The following PCDH10 variants were observed in gnomAD, a reference collection of about 807,000 sequenced individuals.
PCDH10 encodes the protein protocadherin 10.
Under a neutral mutation model 74.4 loss-of-function variants are expected in PCDH10, and 15 were observed. The observed-to-expected ratio is 0.20, with a 90% CI of 0.13 to 0.31. The LOEUF (loss-of-function observed/expected upper bound fraction) is 0.31. Among genes scored for constraint, PCDH10 ranks in the 10% least tolerant of loss-of-function variants. The pLI, the probability that PCDH10 is intolerant of heterozygous loss-of-function variation, is 1.00. For missense variants in PCDH10, 1,260 were observed against 1,390.2 expected (o/e 0.91, Z 1.49); for synonymous variants, 619 against 589.8 (o/e 1.05, Z -0.72).
Position 133,151,043 on chromosome 4 carries a change from C to T in PCDH10, c.903C>T (p.Phe301=), listed in dbSNP as rs371314024. ...TTTCGCCCCGGGCGCGGGAGCTTTTCGGACTCTCGCCGCGCACTGGCAGAC... is the reference window on the plus strand; with the variant it reads ...TTTCGCCCCGGGCGCGGGAGCTTTTTGGACTCTCGCCGCGCACTGGCAGAC... ...SHISPRAREL[F]GLSPRTGRLE... Residue 301 remains phenylalanine, a synonymous_variant, in exon 1 of 5, where the codon TTC becomes TTT. Coordinates refer to ENST00000264360, the MANE Select transcript of PCDH10 (RefSeq NM_032961.3). 6 of 1,613,954 alleles carry T rather than the reference C, an allele frequency of 3.7e-6. No individual in the cohort carries two copies. The highest frequency in any genetic ancestry group is 1.3e-5 in the African/African-American group (1 of 75,072).
In PCDH10 at chr4:133,151,863, G is replaced by C. The variant is rs754282504; in HGVS notation, c.1723G>C (p.Val575Leu). Residue 575 changes from valine (V) to leucine (L), a missense_variant, in exon 1 of 5, where the codon GTG (valine) becomes CTG (leucine). Physicochemically the swap from Val to Leu is conservative, Grantham distance 32 (BLOSUM62 1). Around this residue, in one of 11 missense-constraint regions of PCDH10, gnomAD observed 587 missense variants for 616.9 expected, o/e 0.95. Coordinates refer to ENST00000264360, the MANE Select transcript of PCDH10 (RefSeq NM_032961.3). Reference protein sequence around the residue: ...VDQNDNAPAIVAPLPGRNGTP... With the variant: ...VDQNDNAPAILAPLPGRNGTP... ...TCAAAATGACAACGCCCCTGCCATCGTGGCGCCTCTACCAGGGCGCAACGG... is the reference window on the plus strand; with the variant it reads ...TCAAAATGACAACGCCCCTGCCATCCTGGCGCCTCTACCAGGGCGCAACGG... 6.2e-7 allele frequency: 1 copy of C among 1,612,962 alleles called. No homozygotes were observed. The highest frequency in any genetic ancestry group is 8.5e-7 in the Non-Finnish European group (1 of 1,180,042).
chr4:133,179,826 G>A (rs1414240299), intron 4 of PCDH10, among the ~76,000 whole-genome samples: 1 of 151,914 alleles, frequency 6.6e-6, no homozygotes, highest in African/African-American at 2.4e-5. Context: ...AATGCTTATA[G>A]ACTACATCAA....
At chr4:133,203,073 T>C (rs1184710290) in intron 2 of PCDH10, among the ~76,000 whole-genome samples, 1 of 152,116 alleles carries the variant, frequency 6.6e-6, no homozygotes, top group Non-Finnish European at 1.5e-5. Flanking sequence ...CAGCTTGGTA[T>C]GGAGGATCAG....
At chr4:133,200,138 G>A (rs773703750) in intron 2 of PCDH10, among the ~76,000 whole-genome samples, 37 of 151,894 alleles carry the variant, frequency 2.4e-4, no homozygotes, top group Non-Finnish European at 4.1e-4. Flanking sequence ...TATTCATGCT[G>A]TATTCTGCTT....
intron 1 of PCDH10, 151 bp from the exon 2 acceptor site, chr4:133,154,156 G>A (rs2125859889): frequency 1.6e-6 from 1 of 618,424 alleles, no homozygotes; most frequent in Non-Finnish European, 2.8e-6. Context: ...CCCTTACACA[G>A]CAATCACTAG....
intron 4 of PCDH10, among the ~76,000 whole-genome samples, chr4:133,175,134 A>G (rs967775213): frequency 6.6e-6 from 1 of 151,974 alleles, no homozygotes; most frequent in African/African-American, 2.4e-5. Context: ...ACAAAGGCAT[A>G]TCATATTGTT....
chr4:133,194,158 GTGCA>G lies in PCDH10; in HGVS notation c.*4002_*4005del, dbSNP rs1421290399. On this transcript the variant is annotated 3_prime_UTR_variant, in exon 5 of 5. Transcript: ENST00000264360. ...CGACTAAAATTCTAATACTTTTAGT[GTGCA>G]TGCGTGTATTTCTAATCACTGTTAT... 2 of 151,824 alleles carry G rather than the reference GTGCA, an allele frequency of 1.3e-5. No individual in the cohort carries two copies. The highest frequency in any genetic ancestry group is 4.8e-5 in the African/African-American group (2 of 41,424). The allele number at this position is 151,824 out of a possible 1,614,324, so 9.4% of individuals were successfully genotyped here.
At chr4:133,176,299 G>A (rs1727294292) in intron 4 of PCDH10, among the ~76,000 whole-genome samples, 1 of 152,088 alleles carries the variant, frequency 6.6e-6, no homozygotes, top group East Asian at 1.9e-4. Flanking sequence ...GATACTAGCT[G>A]TGGGACCTCT....
intron 2 of PCDH10, among the ~76,000 whole-genome samples, chr4:133,200,587 C>T (rs1727885193): frequency 6.6e-6 from 1 of 152,088 alleles, no homozygotes; most frequent in African/African-American, 2.4e-5. Flanking sequence ...CCTTTACTAG[C>T]AATTAATCTT....
chr4:133,153,035 A>G, intron 1 of PCDH10: 6 of 1,422,298 alleles, frequency 4.2e-6, no homozygotes, highest in Non-Finnish European at 4.6e-6. Context: ...TTGCTCTTCC[A>G]TCCTGTCAGT....
intron 3 of PCDH10, among the ~76,000 whole-genome samples, chr4:133,162,123 T>C (rs528741758): frequency 6.6e-6 from 1 of 152,292 alleles, no homozygotes; most frequent in South Asian, 2.1e-4. Context: ...CTTGGTATTA[T>C]AGGATTAGTA....
intron 4 of PCDH10, among the ~76,000 whole-genome samples, chr4:133,186,697 A>G (rs1384625807): frequency 1.3e-5 from 2 of 152,070 alleles, no homozygotes; most frequent in African/African-American, 2.4e-5. Context: ...ACATTAGGCC[A>G]TACAACCCTA....
At chr4:133,172,258 A>G (rs773482103) in intron 4 of PCDH10, among the ~76,000 whole-genome samples, 8 of 151,998 alleles carry the variant, frequency 5.3e-5, no homozygotes, top group African/African-American at 1.9e-4. Flanking sequence ...AGTTTTTGAC[A>G]TAACCACAAG....
rs564351729 is a variant in PCDH10 at position 133,194,364 on chromosome 4, G to A, written c.*4204G>A. ...AAAAATTTCTGAATGATGGAACTCA[G>A]ACTTCCAATACATTCATACATGCTA... On this transcript the variant is annotated 3_prime_UTR_variant, in exon 5 of 5. Coordinates refer to ENST00000264360, the MANE Select transcript of PCDH10 (RefSeq NM_032961.3). 1 of 151,772 alleles carries A rather than the reference G, an allele frequency of 6.6e-6. No individual in the cohort carries two copies. Among genetic ancestry groups the A allele is most frequent in the African/African-American group, 2.4e-5 (1 of 41,390 alleles). 9.4% of individuals were successfully genotyped at this position (151,772 alleles called of 1,614,324 possible).
At chr4:133,162,932 A>G (rs749781230) in intron 3 of PCDH10, 45 bp from the exon 4 acceptor site, 8 of 1,487,892 alleles carry the variant, frequency 5.4e-6, no homozygotes, top group South Asian at 4.9e-5. Context: ...GTAACTGGTC[A>G]TGTTGGTGAA....
intron 2 of PCDH10, among the ~76,000 whole-genome samples, chr4:133,204,409 T>G (rs1727963122): frequency 6.6e-6 from 1 of 152,116 alleles, no homozygotes; most frequent in African/African-American, 2.4e-5. Context: ...CCTTGATAGG[T>G]AGGACTCAAG....
intron 3 of PCDH10, 37 bp downstream of exon 3, chr4:133,155,060 T>C (rs1351358833): frequency 7.3e-7 from 1 of 1,370,932 alleles, no homozygotes; most frequent in African/African-American, 1.4e-5. Flanking sequence ...ATGCTAACTT[T>C]TATAGTTTTT....
At chr4:133,171,508 T>C (rs1727202682) in intron 4 of PCDH10, among the ~76,000 whole-genome samples, 1 of 152,056 alleles carries the variant, frequency 6.6e-6, no homozygotes, top group Admixed American at 6.6e-5. Flanking sequence ...ACAAAACATA[T>C]GGGTTTGTTT....
intron 4 of PCDH10, 73 bp downstream of exon 4, chr4:133,163,355 G>A: frequency 3.0e-6 from 4 of 1,341,434 alleles, no homozygotes; most frequent in East Asian, 2.4e-5. Context: ...CACTCTTTTT[G>A]GTAAAAATGG....
Sources: allele counts gnomAD v4.1 joint callset (sites outside exome capture counted in the v4.1 genomes callset), GRCh38; gene constraint gnomAD v4.1.1; regional missense constraint gnomAD v4.1.1; transcripts MANE v1.5; gene names NCBI Gene and HGNC (gene_info 2026-07-23, HGNC 2026-07-21).